Variants in GART observed in about 807,000 individuals in gnomAD.
GART encodes trifunctional purine biosynthetic protein adenosine-3.
Under a neutral mutation model 107.2 loss-of-function variants are expected in GART, and 43 were observed. The observed-to-expected ratio is 0.40, with a 90% CI of 0.31 to 0.52. The LOEUF (loss-of-function observed/expected upper bound fraction) is 0.52, where lower values mean the gene tolerates loss of function less well. GART is among the 20% of genes least tolerant of loss of function. The pLI is 0.52. For missense variants in GART, 1,107 were observed against 1,206.5 expected (o/e 0.92, Z 1.22); for synonymous variants, 434 against 427.0 (o/e 1.02, Z -0.20).
chr21:33,530,944 TAGTG>T, intron 6 of GART, 60 bp from the exon 7 acceptor site: 1 of 1,442,132 alleles, frequency 6.9e-7, no homozygotes, highest in Non-Finnish European at 9.1e-7. Context: ...AAAAAAAATT[TAGTG>T]AGGCAAACTA....
chr21:33,513,726 A>G (rs2084830486), intron 16 of GART, among the ~76,000 whole-genome samples: 2 of 152,242 alleles, frequency 1.3e-5, no homozygotes, highest in Non-Finnish European at 2.9e-5. Context: ...AAAAGTAAAT[A>G]GCAACTTAAA....
At chr21:33,509,977 A>G (rs976310895) in intron 17 of GART, 57 bp from the exon 18 acceptor site, 19 of 1,470,202 alleles carry the variant, frequency 1.3e-5, no homozygotes, top group Non-Finnish European at 1.8e-5. Flanking sequence ...TAACAAGAAT[A>G]ATGGAAAGAA....
chr21:33,531,586 T>C, intron 5 of GART, 29 bp from the exon 6 acceptor site: 2 of 1,556,474 alleles, frequency 1.3e-6, no homozygotes, highest in Non-Finnish European at 1.7e-6. Context: ...TTTTTTTTTT[T>C]TTTAAAAAAA....
intron 1 of GART, among the ~76,000 whole-genome samples, chr21:33,541,803 C>T (rs1027912428): frequency 2.0e-5 from 3 of 152,106 alleles, no homozygotes; most frequent in Non-Finnish European, 2.9e-5. Flanking sequence ...AGAAAGTACA[C>T]CAATTTAGGG....
At chr21:33,540,847 T>A (rs779872470) in intron 1 of GART, among the ~76,000 whole-genome samples, 1 of 152,184 alleles carries the variant, frequency 6.6e-6, no homozygotes, top group African/African-American at 2.4e-5. Context: ...AAAATGCTTG[T>A]CATGAAAGAA....
At chr21:33,511,670 A>T (rs1015773697) in intron 16 of GART, among the ~76,000 whole-genome samples, 3 of 152,266 alleles carry the variant, frequency 2.0e-5, no homozygotes, top group Admixed American at 2.0e-4. Flanking sequence ...CTTGGCCAGT[A>T]CTCACAAATG....
chr21:33,526,913 T>G (rs1297232076), intron 10 of GART, among the ~76,000 whole-genome samples: 1 of 152,224 alleles, frequency 6.6e-6, no homozygotes, highest in African/African-American at 2.4e-5. Context: ...GCATCCTATT[T>G]GGTAGTTTGT....
intron 16 of GART, among the ~76,000 whole-genome samples, chr21:33,516,031 T>A (rs2084871261): frequency 6.6e-6 from 1 of 151,860 alleles, no homozygotes; most frequent in Admixed American, 6.6e-5. Flanking sequence ...GCGGATCACT[T>A]GAGGTCAGGA....
chr21:33,536,430 G>A (rs2085305002), intron 2 of GART, among the ~76,000 whole-genome samples: 1 of 152,286 alleles, frequency 6.6e-6, no homozygotes. Context: ...CAATCACTCT[G>A]CCATTGGTAC....
At chr21:33,541,971 A>G (rs979199658) in intron 1 of GART, 94 bp downstream of exon 1, 4 of 152,238 alleles carry the variant, frequency 2.6e-5, no homozygotes, top group Admixed American at 6.5e-5. Flanking sequence ...AATTTCTACA[A>G]ATCAGTTTCT....
Position 33,511,244 on chromosome 21 carries a change from G to A in GART, c.2314+8C>T, listed in dbSNP as rs371549370. On this transcript the variant is annotated splice_region_variant and intron_variant, in intron 17 of 21. Coordinates refer to ENST00000381815, the MANE Select transcript of GART (RefSeq NM_000819.5). ...TTATATATCTAAAAATGAGTAAGGA[G>A]CAAGTACCTTCAGCTCGTGCAACCA... 1.4e-5 allele frequency: 22 copies of A among 1,613,694 alleles called. No homozygotes were observed. The highest frequency in any genetic ancestry group is 1.3e-4 in the African/African-American group (10 of 74,892).
At chr21:33,528,756 T>TAAAAA in intron 8 of GART, 94 bp downstream of exon 8, 8 of 801,774 alleles carry the variant, frequency 1.0e-5, no homozygotes, top group South Asian at 2.1e-5. Context: ...TAAAAAGTGG[T>TAAAAA]AAAAAAAAAA....
chr21:33,510,467 C>T lies in GART; in HGVS notation c.2315-547G>A, dbSNP rs562616840. The T allele has an allele frequency of 3.3e-4, 50 of 153,246 alleles. 1 individual carries two copies. In the South Asian group the frequency reaches 7.4e-3, roughly 23 times the overall value. The allele number at this position is 153,246 out of a possible 1,614,324, so 9.5% of individuals were successfully genotyped here. ...GCCTCAGCCTCCCGAGTAGCTGGGACTACAGGCGCCCGCCACCACGCCCGG... is the reference window on the plus strand; with the variant it reads ...GCCTCAGCCTCCCGAGTAGCTGGGATTACAGGCGCCCGCCACCACGCCCGG... On this transcript the variant is annotated intron_variant, in intron 17 of 21. Transcript: ENST00000381815.
intron 11 of GART, 163 bp downstream of exon 11, chr21:33,524,606 T>G: frequency 9.3e-7 from 1 of 1,073,278 alleles, no homozygotes; most frequent in South Asian, 2.3e-5. Flanking sequence ...ATTTGAGTAT[T>G]GCTATAACCA....
Position 33,535,270 on chromosome 21 carries a change from T to C in GART, c.196A>G (p.Lys66Glu). The C allele has an allele frequency of 6.3e-7, 1 of 1,598,290 alleles. No individual in the cohort carries two copies. Among genetic ancestry groups the C allele is most frequent in the Non-Finnish European group, 8.5e-7 (1 of 1,175,160 alleles). The change falls in exon 3 of 22, where the codon AAA becomes GAA. Residue 66 changes from lysine to glutamate, a missense_variant. Transcript: ENST00000381815. ...TALAQFCKEKKIEFVVVGPEA... is the reference protein window; with the variant it reads ...TALAQFCKEKEIEFVVVGPEA... ...GGTCCAACAACTACAAATTCAATTT[T>C]CTTCTCTTTGCAGAATTGAGCAAGG...
intron 18 of GART, among the ~76,000 whole-genome samples, chr21:33,508,510 T>C (rs953013535): frequency 2.0e-5 from 3 of 146,482 alleles, no homozygotes; most frequent in African/African-American, 7.4e-5. Flanking sequence ...ATCTATTGTT[T>C]CCATCTTTTT....
chr21:33,531,852 C>T (rs377754087), intron 5 of GART: 42 of 345,358 alleles, frequency 1.2e-4, no homozygotes, highest in Non-Finnish European at 2.0e-4. Context: ...TTTTCATTAT[C>T]GCCACTTAAT....
At chr21:33,513,081 ATT>A (rs2084815178) in intron 16 of GART, among the ~76,000 whole-genome samples, 1 of 138,916 alleles carries the variant, frequency 7.2e-6, no homozygotes, top group Non-Finnish European at 1.6e-5. Flanking sequence ...ACACTTGGTT[ATT>A]TGTGTGTGTG....
Position 33,535,209 on chromosome 21 carries a change from C to T in GART, c.241+16G>A. 1.3e-6 allele frequency: 2 copies of T among 1,515,808 alleles called. No individual in the cohort carries two copies. Among genetic ancestry groups the T allele is most frequent in the Non-Finnish European group, 1.8e-6 (2 of 1,120,744 alleles). 93.9% of individuals were successfully genotyped at this position (1,515,808 alleles called of 1,614,324 possible). On this transcript the variant is annotated intron_variant, in intron 3 of 21. Transcript: ENST00000381815. ...GCACTGAATATACTGTAACAATAAA[C>T]AGAAACAAACTTTACCAGCAGCCAG...
Sources: gnomAD v4.1 joint callset for allele counts (sites outside exome capture counted in the v4.1 genomes callset) on GRCh38, gnomAD v4.1.1 for gene constraint, MANE v1.5 for transcripts, NCBI Gene and HGNC (gene_info 2026-07-23, HGNC 2026-07-21) for gene names.